ZNF277: variants seen among roughly 807,000 people sequenced by gnomAD.
ZNF277 encodes the protein nuclear receptor-interacting factor 4.
ZNF277 carries 55 observed loss-of-function variants against 60.7 expected under a neutral mutation model. The observed-to-expected ratio is 0.91, with a 90% CI of 0.73 to 1.13. The LOEUF is 1.13. Among genes scored for constraint, ZNF277 ranks in the 50% most tolerant of loss-of-function variants. The pLI is 0.00. For missense variants in ZNF277, 510 were observed against 523.0 expected (o/e 0.98, Z 0.24); for synonymous variants, 178 against 179.3 (o/e 0.99, Z 0.06).
In ZNF277 at chr7:112,287,489, TA is replaced by T. The variant is rs531657556; in HGVS notation, c.293+426del. The T allele has an allele frequency of 1.9e-3, 275 of 144,842 alleles. No individual in the cohort carries two copies. In the Middle Eastern group the frequency reaches 0.025, roughly 13 times the overall value. 9.0% of individuals were successfully genotyped at this position (144,842 alleles called of 1,614,324 possible). A position where few individuals can be genotyped will look rare whatever the true frequency, so the allele number is the denominator to read the frequency against. Reference sequence around the variant, plus strand: ...TCATTTTCAGGTTTCTCCTTAGACTTAAAAAAAAAAACTTTACAACTCTTTT... The same window carrying T: ...TCATTTTCAGGTTTCTCCTTAGACTTAAAAAAAAAACTTTACAACTCTTTT... On this transcript the variant is annotated intron_variant, in intron 2 of 11. Coordinates refer to ENST00000361822, the MANE Select transcript of ZNF277 (RefSeq NM_021994.3).
chr7:112,296,923 T>TTA (rs1792363160), intron 4 of ZNF277, among the ~76,000 whole-genome samples: 1 of 74,934 alleles, frequency 1.3e-5, no homozygotes, highest in Non-Finnish European at 2.9e-5. Context: ...TTTTTTTTTT[T>TTA]TTTTTTTTTT....
chr7:112,274,220 C>T lies in ZNF277; in HGVS notation c.92-12653C>T, dbSNP rs1301945299. 3.3e-5 allele frequency among the ~76,000 whole-genome samples: 5 copies of T among 152,130 alleles called. No homozygotes were observed. The East Asian group carries it at 5.8e-4, about 18-fold the overall frequency. On this transcript the variant is annotated intron_variant, in intron 1 of 11. Transcript: ENST00000361822. The stretch of plus-strand genomic sequence containing the variant: ...TCACCCAGGCTGGCGTGAGGTGACA[C>T]GATCACAGCTCACTGAAGCCTCAAC...
intron 4 of ZNF277, among the ~76,000 whole-genome samples, chr7:112,297,014 A>G (rs10227934): frequency 0.065 from 8,746 of 134,618 alleles, 716 homozygotes; most frequent in African/African-American, 0.2. Context: ...TGCAAGCTCC[A>G]CCTCCTGGGC....
intron 1 of ZNF277, among the ~76,000 whole-genome samples, chr7:112,252,095 C>G (rs188036203): frequency 1.3e-5 from 2 of 152,346 alleles, no homozygotes; most frequent in East Asian, 3.9e-4. Flanking sequence ...CTTTTTTACA[C>G]TGATGCACAA....
chr7:112,296,697 T>C (rs968098723), intron 4 of ZNF277, among the ~76,000 whole-genome samples: 2 of 151,612 alleles, frequency 1.3e-5, no homozygotes, highest in Non-Finnish European at 2.9e-5. Flanking sequence ...TGGAATGTGC[T>C]ATGCACTAGC....
chr7:112,246,288 G>C (rs1388243725), intron 1 of ZNF277, among the ~76,000 whole-genome samples: 1 of 152,076 alleles, frequency 6.6e-6, no homozygotes, highest in Non-Finnish European at 1.5e-5. Flanking sequence ...CTCAGAAATA[G>C]AAAGCTGAGG....
intron 1 of ZNF277, among the ~76,000 whole-genome samples, chr7:112,270,946 A>ACCATGCAGAAAT (rs142672583): frequency 2.0e-5 from 3 of 151,892 alleles, no homozygotes; most frequent in African/African-American, 7.3e-5. Context: ...TATCCCAGCC[A>ACCATGCAGAAAT]TACATTAGAA....
At chr7:112,232,272 G>A (rs1442568221) in intron 1 of ZNF277, among the ~76,000 whole-genome samples, 1 of 151,950 alleles carries the variant, frequency 6.6e-6, no homozygotes, top group East Asian at 1.9e-4. Flanking sequence ...AAGAAGCAAG[G>A]TACCAACTAG....
At chr7:112,215,496 C>T (rs540814939) in intron 1 of ZNF277, among the ~76,000 whole-genome samples, 13 of 152,316 alleles carry the variant, frequency 8.5e-5, no homozygotes, top group African/African-American at 2.9e-4. Context: ...ATGTGGACAT[C>T]TCAGTGTAGT....
At chr7:112,280,629 G>A (rs1157937861) in intron 1 of ZNF277, among the ~76,000 whole-genome samples, 1 of 149,872 alleles carries the variant, frequency 6.7e-6, no homozygotes, top group Non-Finnish European at 1.5e-5. Context: ...TGTATCTATT[G>A]TCTTTTTTTT....
rs189824487 is a variant in ZNF277 at position 112,320,321 on chromosome 7, T to G, written c.557+2048T>G. On this transcript the variant is annotated intron_variant, in intron 5 of 11. Coordinates refer to ENST00000361822, the MANE Select transcript of ZNF277 (RefSeq NM_021994.3). ...GCCATTGTTCTGTAGTAAATGCACA[T>G]TTTTTTAAAATAACCAGTGAGAAAG... 1.1e-3 allele frequency among the ~76,000 whole-genome samples: 175 copies of G among 152,202 alleles called. 1 individual carries two copies. The highest frequency in any genetic ancestry group is 3.8e-3 in the African/African-American group (158 of 41,532).
chr7:112,317,093 T>C lies in ZNF277; in HGVS notation c.466-1089T>C, dbSNP rs559263875. ...ACATGTTCTCACTCATAAGTAAGAGTTGAACAATGAGAACACATGGACGCA... is the reference window on the plus strand; with the variant it reads ...ACATGTTCTCACTCATAAGTAAGAGCTGAACAATGAGAACACATGGACGCA... On this transcript the variant is annotated intron_variant, in intron 4 of 11. Coordinates refer to ENST00000361822, the MANE Select transcript of ZNF277 (RefSeq NM_021994.3). Among the ~76,000 whole-genome samples the C allele has an allele frequency of 9.9e-5, 15 of 151,606 alleles. No individual in the cohort carries two copies. In the East Asian group the frequency reaches 2.7e-3, roughly 27 times the overall value.
At chr7:112,340,072 G>C (rs976886306) in intron 10 of ZNF277, among the ~76,000 whole-genome samples, 187 bp downstream of exon 10, 1 of 152,112 alleles carries the variant, frequency 6.6e-6, no homozygotes, top group African/African-American at 2.4e-5. Context: ...TATGGTTTTT[G>C]GTTTCATATA....
At chr7:112,283,266 G>A (rs917854387) in intron 1 of ZNF277, among the ~76,000 whole-genome samples, 4 of 152,166 alleles carry the variant, frequency 2.6e-5, no homozygotes, top group South Asian at 2.1e-4. Flanking sequence ...CGTGGCTAAC[G>A]CCTATAATCC....
At chr7:112,283,190 C>T (rs1791985902) in intron 1 of ZNF277, among the ~76,000 whole-genome samples, 1 of 152,162 alleles carries the variant, frequency 6.6e-6, no homozygotes, top group Admixed American at 6.5e-5. Flanking sequence ...ATTTGGGAAT[C>T]AGAGAAAACT....
chr7:112,256,584 T>G (rs1791316158), intron 1 of ZNF277, among the ~76,000 whole-genome samples: 1 of 152,030 alleles, frequency 6.6e-6, no homozygotes, highest in Non-Finnish European at 1.5e-5. Context: ...TAGCTGGGAT[T>G]ACAGATGTGC....
At position 112,286,203 on chromosome 7, in the gene ZNF277, A is replaced by G. The variant is rs773339411; in HGVS notation, c.92-670A>G. On this transcript the variant is annotated intron_variant, in intron 1 of 11. Transcript: ENST00000361822. ...CCAGGAAAAATGTTTACCACATCACATATGTCTAGTGATCGAGCAGTCATC... is the reference window on the plus strand; with the variant it reads ...CCAGGAAAAATGTTTACCACATCACGTATGTCTAGTGATCGAGCAGTCATC... Among the ~76,000 whole-genome samples, 21 of 152,330 alleles carry G rather than the reference A, an allele frequency of 1.4e-4. 1 individual carries two copies. The highest frequency in any genetic ancestry group is 3.4e-4 in the African/African-American group (14 of 41,578).
At chr7:112,274,732 A>G (rs1181465980) in intron 1 of ZNF277, among the ~76,000 whole-genome samples, 1 of 152,190 alleles carries the variant, frequency 6.6e-6, no homozygotes, top group Non-Finnish European at 1.5e-5. Flanking sequence ...TAAAGTATTA[A>G]CTAGACTACT....
rs1036614554 is a variant in ZNF277, at chr7:112,341,007, C to T, written c.1145C>T (p.Thr382Ile). The T allele has an allele frequency of 1.9e-6, 3 of 1,603,180 alleles. No individual in the cohort carries two copies. The highest frequency in any genetic ancestry group is 2.6e-6 in the Non-Finnish European group (3 of 1,176,274). ...LRTHMEETKH[T>I]SLLPDRKTWD... ...ACTCACATGGAAGAAACTAAACACA[C>T]TTCGCTGCTCCCCGATAGAAAGACG... Residue 382 changes from threonine to isoleucine, a missense_variant, in exon 11 of 12, where the codon ACT becomes ATT. By Grantham distance (89) the Thr-to-Ile change is moderately conservative. Coordinates refer to ENST00000361822, the MANE Select transcript of ZNF277 (RefSeq NM_021994.3).
Sources: gnomAD v4.1 joint callset for allele counts (sites outside exome capture counted in the v4.1 genomes callset) on GRCh38, gnomAD v4.1.1 for gene constraint, MANE v1.5 for transcripts, NCBI Gene and HGNC (gene_info 2026-07-23, HGNC 2026-07-21) for gene names.